Variants in NUP88 observed in about 807,000 individuals in gnomAD.
NUP88 encodes nucleoporin 88.
A neutral mutation model predicts 93.9 loss-of-function variants in NUP88; 57 were observed. The observed-to-expected ratio is 0.61, with a 90% confidence interval of 0.49 to 0.76. The LOEUF is 0.76. NUP88 is among the 30% of genes least tolerant of loss of function. The pLI is 0.00. For synonymous variants in NUP88, 346 were observed against 336.8 expected (o/e 1.03, Z -0.30); for missense variants, 911 against 901.0 (o/e 1.01, Z -0.14).
chr17:5,413,227 C>A (rs1359269037), intron 3 of NUP88, among the ~76,000 whole-genome samples: 4 of 151,984 alleles, frequency 2.6e-5, no homozygotes, highest in Admixed American at 2.6e-4. Context: ...CCACCTCGGC[C>A]TCCCAAAGTG....
intron 7 of NUP88, among the ~76,000 whole-genome samples, chr17:5,401,887 C>A (rs1472935273): frequency 6.6e-6 from 1 of 152,186 alleles, no homozygotes; most frequent in Non-Finnish European, 1.5e-5. Flanking sequence ...CCACCCTATG[C>A]TATACTGTAG....
chr17:5,419,394 G>T lies in NUP88; in HGVS notation c.257C>A (p.Pro86His), dbSNP rs1239363528. Residue 86 changes from proline (P) to histidine (H), a missense_variant, in exon 1 of 17, where the codon CCC becomes CAC. Pro to His is a moderately conservative substitution (Grantham distance 77, BLOSUM62 -2). Transcript: ENST00000573584. ...SSFLVVRLRG[P>H]SGGGEEPALS... ...GGCGGGCTCTTCGCCGCCGCCGCTGGGGCCCCGAAGGCGAACGACTAAGAA... is the reference window on the plus strand; with the variant it reads ...GGCGGGCTCTTCGCCGCCGCCGCTGTGGCCCCGAAGGCGAACGACTAAGAA... 3.1e-6 allele frequency: 5 copies of T among 1,606,836 alleles called. No individual in the cohort carries two copies. Among genetic ancestry groups the T allele is most frequent in the Non-Finnish European group, 3.4e-6 (4 of 1,176,676 alleles).
intron 6 of NUP88, 21 bp from the exon 7 acceptor site, chr17:5,404,267 AT>A: frequency 1.2e-6 from 2 of 1,610,070 alleles, no homozygotes; most frequent in Non-Finnish European, 1.7e-6. Context: ...AAGTGTTGTA[AT>A]TTTGATCTTG....
chr17:5,405,314 T>G, intron 5 of NUP88, 71 bp from the exon 6 acceptor site: 1 of 1,334,630 alleles, frequency 7.5e-7, no homozygotes, highest in South Asian at 1.4e-5. Flanking sequence ...AACCATTCTT[T>G]GACTTTGTTT....
Position 5,414,153 on chromosome 17 carries a change from T to A in NUP88, c.468-19A>T. The A allele has an allele frequency of 6.2e-7, 1 of 1,607,190 alleles. No individual in the cohort carries two copies. The highest frequency in any genetic ancestry group is 8.5e-7 in the Non-Finnish European group (1 of 1,176,478). The stretch of plus-strand genomic sequence containing the variant: ...AGTGGTACTAAAATAAAGATAATAA[T>A]TTTCCAAAACATTTTGTACAACTTG... On this transcript the variant is annotated intron_variant, in intron 2 of 16. Coordinates refer to ENST00000573584, the MANE Select transcript of NUP88 (RefSeq NM_002532.6).
intron 6 of NUP88, among the ~76,000 whole-genome samples, chr17:5,404,529 G>A (rs139484400): frequency 0.012 from 1,865 of 152,040 alleles, 28 homozygotes; most frequent in African/African-American, 0.04. Context: ...CAAGAGAATC[G>A]CTTGAACTCA....
chr17:5,391,572 T>C lies in NUP88; in HGVS notation c.1473A>G (p.Ile491Met). 6.2e-7 allele frequency: 1 copy of C among 1,612,662 alleles called. No individual in the cohort carries two copies. The highest frequency in any genetic ancestry group is 2.2e-5 in the East Asian group (1 of 44,878). Residue 491 changes from isoleucine (I) to methionine (M), a missense_variant, in exon 10 of 17, where the codon ATA becomes ATG. Coordinates refer to ENST00000573584, the MANE Select transcript of NUP88 (RefSeq NM_002532.6). ...AAAATGGGACGTACAATAACGGCCA[T>C]ATGAGGCATTCATAGGTACTGGTGA... ...ICITSTYECL[I>M]WPLLSTVHPA... is the part of the protein sequence containing the mutation.
chr17:5,390,322 C>T (rs1373420340), intron 10 of NUP88, among the ~76,000 whole-genome samples: 4 of 151,970 alleles, frequency 2.6e-5, no homozygotes, highest in Non-Finnish European at 5.9e-5. Flanking sequence ...GTAATTTTTT[C>T]TCCAGTGATT....
chr17:5,419,633 T>C lies in NUP88; in HGVS notation c.18A>G (p.Gly6=). 1 of 1,591,522 alleles carries C rather than the reference T, an allele frequency of 6.3e-7. No individual in the cohort carries two copies. The highest frequency in any genetic ancestry group is 8.6e-7 in the Non-Finnish European group (1 of 1,168,220). MAAAE[G]PVGDGELWQT... is the part of the protein sequence containing the mutation. ...GCCACAGCTCGCCGTCGCCCACCGG[T>C]CCCTCGGCGGCCGCCATCTTGGCCC... The change falls in exon 1 of 17, where the codon GGA becomes GGG. Residue 6 remains glycine (G), a synonymous_variant. Coordinates refer to ENST00000573584, the MANE Select transcript of NUP88 (RefSeq NM_002532.6).
intron 7 of NUP88, 96 bp from the exon 8 acceptor site, chr17:5,399,746 G>A (rs117005481): frequency 0.021 from 11,871 of 566,532 alleles, 192 homozygotes; most frequent in Middle Eastern, 0.051. Context: ...GCCTACAAAC[G>A]CATTTGTTGA....
intron 5 of NUP88, among the ~76,000 whole-genome samples, chr17:5,406,920 C>T (rs1913532393): frequency 6.6e-6 from 1 of 152,130 alleles, no homozygotes; most frequent in Admixed American, 6.5e-5. Flanking sequence ...ATTTAAATCA[C>T]AAAATCAATA....
chr17:5,414,293 T>G (rs1335013978), intron 2 of NUP88, among the ~76,000 whole-genome samples, 159 bp from the exon 3 acceptor site: 1 of 152,128 alleles, frequency 6.6e-6, no homozygotes, highest in Non-Finnish European at 1.5e-5. Context: ...CCTCCCAGGT[T>G]CAAGTGATTC....
In NUP88 at chr17:5,387,835, C is replaced by A. The variant is rs760460645; in HGVS notation, c.1713G>T (p.Val571=). 18 of 1,613,986 alleles carry A rather than the reference C, an allele frequency of 1.1e-5. No individual in the cohort carries two copies. The highest frequency in any genetic ancestry group is 1.4e-5 in the Non-Finnish European group (17 of 1,180,026). Reference sequence around the variant, plus strand: ...GTTTGAGAATGTACTGCTCTCTGAACACCTGGGTGGCTCTGCTGAGGAGCT... The same window carrying A: ...GTTTGAGAATGTACTGCTCTCTGAAAACCTGGGTGGCTCTGCTGAGGAGCT... ...CLQLLSRATQ[V]FREQYILKQD... The change falls in exon 12 of 17, where the codon GTG becomes GTT. Residue 571 remains valine, a synonymous_variant. Transcript: ENST00000573584.
rs1911882073 is a variant in NUP88 at position 5,385,508 on chromosome 17, A to G, written c.*698T>C. The G allele has an allele frequency of 4.3e-6, 1 of 230,806 alleles. No homozygotes were observed. The highest frequency in any genetic ancestry group is 8.6e-6 in the Non-Finnish European group (1 of 116,622). 14.3% of individuals were successfully genotyped at this position (230,806 alleles called of 1,614,324 possible). A position where few individuals can be genotyped will look rare whatever the true frequency, so the allele number is the denominator to read the frequency against. On this transcript the variant is annotated 3_prime_UTR_variant, in exon 17 of 17. Coordinates refer to ENST00000573584, the MANE Select transcript of NUP88 (RefSeq NM_002532.6). ...AGAACTCACATTGGCAAGTGTAAAA[A>G]GATGACTTAAGGTGAAGTGAGGACA...
At chr17:5,409,482 A>T (rs1161145042) in intron 4 of NUP88, among the ~76,000 whole-genome samples, 1 of 152,206 alleles carries the variant, frequency 6.6e-6, no homozygotes, top group East Asian at 1.9e-4. Flanking sequence ...ACAGATATAC[A>T]AATAGCAAAA....
At chr17:5,390,330 A>C (rs987346707) in intron 10 of NUP88, among the ~76,000 whole-genome samples, 1 of 152,080 alleles carries the variant, frequency 6.6e-6, no homozygotes, top group Non-Finnish European at 1.5e-5. Flanking sequence ...TTCTCCAGTG[A>C]TTTTATTATT....
In NUP88 at chr17:5,416,587, A is replaced by G; in HGVS notation, c.393T>C (p.Leu131=). ...HHVALIGIKG[L]MVLELPKRWG... is the part of the protein sequence containing the mutation. Reference sequence around the variant, plus strand: ...ATCTTTTAGGTAATTCTAATACCATAAGTCCTTTTATTCCTATAAGTGCTA... The same window carrying G: ...ATCTTTTAGGTAATTCTAATACCATGAGTCCTTTTATTCCTATAAGTGCTA... Residue 131 remains leucine, a synonymous_variant, in exon 2 of 17, where the codon CTT becomes CTC. Coordinates refer to ENST00000573584, the MANE Select transcript of NUP88 (RefSeq NM_002532.6). 1 of 1,612,086 alleles carries G rather than the reference A, an allele frequency of 6.2e-7. No individual in the cohort carries two copies. Among genetic ancestry groups the G allele is most frequent in the Non-Finnish European group, 8.5e-7 (1 of 1,179,052 alleles).
chr17:5,402,518 C>T (rs1158622578), intron 7 of NUP88, among the ~76,000 whole-genome samples: 1 of 152,170 alleles, frequency 6.6e-6, no homozygotes, highest in Admixed American at 6.5e-5. Flanking sequence ...CCAATGTACA[C>T]TCTTTGCTGG....
chr17:5,389,030 A>C (rs899863202), intron 10 of NUP88, 70 bp from the exon 11 acceptor site: 1 of 1,126,940 alleles, frequency 8.9e-7, no homozygotes, highest in Non-Finnish European at 1.2e-6. Context: ...AGCAGAAACC[A>C]CATTAATCCA....
Sources: gnomAD v4.1 joint callset for allele counts (sites outside exome capture counted in the v4.1 genomes callset) on GRCh38, gnomAD v4.1.1 for gene constraint, MANE v1.5 for transcripts, NCBI Gene and HGNC (gene_info 2026-07-23, HGNC 2026-07-21) for gene names.